HOXD3: variants seen among roughly 807,000 people sequenced by gnomAD.
HOXD3 encodes homeobox protein Hox-D3.
A neutral mutation model predicts 32.8 loss-of-function variants in HOXD3; 13 were observed. That is an observed-to-expected ratio of 0.40 (90% confidence interval 0.26 to 0.63). HOXD3 has a LOEUF of 0.63. Ranked by LOEUF, HOXD3 falls within the 20% of genes least tolerant of loss-of-function variation. The probability of loss-of-function intolerance (pLI) is 0.44; values close to 1 mark genes in which losing one functional copy is unlikely to be tolerated. For synonymous variants in HOXD3, 241 were observed against 246.8 expected (o/e 0.98, Z 0.22); for missense variants, 504 against 577.1 (o/e 0.87, Z 1.30).
chr2:176,153,278 G>T, upstream of HOXD3: 1 of 327,570 alleles, frequency 3.1e-6, no homozygotes, highest in Non-Finnish European at 5.7e-6. Context: ...TTATCCCACT[G>T]TGAATTTGGA....
At chr2:176,154,107 A>G (rs1690598421), upstream of HOXD3, among the ~76,000 whole-genome samples, 1 of 152,228 alleles carries the variant, frequency 6.6e-6, no homozygotes, top group African/African-American at 2.4e-5. Flanking sequence ...CACAAAAGTT[A>G]GCCTTAGAGT....
chr2:176,153,075 C>G, upstream of HOXD3: 2 of 597,672 alleles, frequency 3.3e-6, no homozygotes, highest in African/African-American at 2.0e-5. Flanking sequence ...AGGCCGCCCT[C>G]GGACTAGGTT....
At chr2:176,161,511 C>G (rs995437794) in intron 1 of HOXD3, among the ~76,000 whole-genome samples, 2 of 152,132 alleles carry the variant, frequency 1.3e-5, no homozygotes, top group Non-Finnish European at 2.9e-5. Context: ...CATATTAATT[C>G]TGTGTCTTGA....
At chr2:176,171,494 TC>T in intron 3 of HOXD3, 22 bp from the exon 4 acceptor site, 1 of 1,556,518 alleles carries the variant, frequency 6.4e-7, no homozygotes, top group Non-Finnish European at 8.7e-7. Context: ...CTCAGCGCCC[TC>T]CCTCTCTCCC....
At chr2:176,164,575 G>C (rs1172820455) in intron 2 of HOXD3, 1 of 152,202 alleles carries the variant, frequency 6.6e-6, no homozygotes, top group Non-Finnish European at 1.5e-5. Context: ...ACAGGAAAGG[G>C]AGAATCGTTG....
upstream of HOXD3, chr2:176,152,687 A>G (rs199697693): frequency 2.5e-6 from 4 of 1,614,188 alleles, no homozygotes; most frequent in East Asian, 8.9e-5. The surrounding 1 kb of genome is among the most constrained non-coding windows in gnomAD (Gnocchi z 5.2). Context: ...AACTGGAAAA[A>G]GAATTTCATT....
chr2:176,170,946 T>C (rs1299180378), intron 3 of HOXD3, among the ~76,000 whole-genome samples: 2 of 152,186 alleles, frequency 1.3e-5, no homozygotes, highest in African/African-American at 4.8e-5. Flanking sequence ...TTTTTATTTT[T>C]TGGTTTGTCA....
In HOXD3 at chr2:176,172,704, A is replaced by C; in HGVS notation, c.*430A>C. On this transcript the variant is annotated 3_prime_UTR_variant, in exon 4 of 4. Transcript: ENST00000683222. ...TGTGCCGTAAGGATTGCATCGGACTAAACTATCTGTATTTATTATTTGAAG... is the reference window on the plus strand; with the variant it reads ...TGTGCCGTAAGGATTGCATCGGACTCAACTATCTGTATTTATTATTTGAAG... 5.6e-6 allele frequency: 1 copy of C among 177,184 alleles called. No individual in the cohort carries two copies. Among genetic ancestry groups the C allele is most frequent in the Non-Finnish European group, 1.2e-5 (1 of 84,762 alleles). 11.0% of individuals were successfully genotyped at this position (177,184 alleles called of 1,614,324 possible). A position where few individuals can be genotyped will look rare whatever the true frequency, so the allele number is the denominator to read the frequency against.
rs1312849828 is a variant in HOXD3 at position 176,172,234 on chromosome 2, A to G, written c.1259A>G (p.Gln420Arg). ...YTDLSAHHSS[Q>R]GRLPEAPKLT... ...GATCTCTCGGCCCACCACTCGTCTCAGGGACGACTGCCGGAGGCTCCCAAA... is the reference window on the plus strand; with the variant it reads ...GATCTCTCGGCCCACCACTCGTCTCGGGGACGACTGCCGGAGGCTCCCAAA... The change falls in exon 4 of 4, where the codon CAG becomes CGG. Residue 420 changes from glutamine (Q) to arginine (R), a missense_variant. Physicochemically the swap from Gln to Arg is conservative, Grantham distance 43. Around this residue, in one of 3 missense-constraint regions of HOXD3, gnomAD observed 226 missense variants for 246.9 expected, o/e 0.92. Transcript: ENST00000683222. The G allele has an allele frequency of 2.5e-6, 4 of 1,608,616 alleles. No individual in the cohort carries two copies. Among genetic ancestry groups the G allele is most frequent in the Non-Finnish European group, 2.5e-6 (3 of 1,179,422 alleles).
At chr2:176,153,462 A>T (rs1296659624), upstream of HOXD3, among the ~76,000 whole-genome samples, 1 of 152,198 alleles carries the variant, frequency 6.6e-6, no homozygotes, top group Non-Finnish European at 1.5e-5. Context: ...TAAAAAATAT[A>T]TATTTTGCTC....
chr2:176,172,275 C>G lies in HOXD3; in HGVS notation c.*1C>G. ...GGCTCCCAAACTGACGCATCTGTAG[C>G]GGCCGCCGCCAGCCCGAACTCGCGG... On this transcript the variant is annotated 3_prime_UTR_variant, in exon 4 of 4. Transcript: ENST00000683222. The G allele has an allele frequency of 6.3e-7, 1 of 1,586,832 alleles. No homozygotes were observed. The highest frequency in any genetic ancestry group is 1.1e-5 in the South Asian group (1 of 89,836).
rs200129595 is a variant in HOXD3, at chr2:176,169,128, A to T, written c.14A>T (p.Gln5Leu). MLFE[Q>L]GQQALELPEC... ...CAGTGGTAGTCAATGTTATTTGAGCAGGGTCAGCAGGCCCTGGAGCTTCCT... is the reference window on the plus strand; with the variant it reads ...CAGTGGTAGTCAATGTTATTTGAGCTGGGTCAGCAGGCCCTGGAGCTTCCT... Residue 5 changes from glutamine to leucine, a missense_variant, in exon 3 of 4, where the codon CAG (glutamine) becomes CTG (leucine). By Grantham distance (113) the Gln-to-Leu change is moderately radical (BLOSUM62 -2). Around this residue, in one of 3 missense-constraint regions of HOXD3, gnomAD observed 181 missense variants for 172.2 expected, o/e 1.05. Transcript: ENST00000683222. 23 of 1,609,778 alleles carry T rather than the reference A, an allele frequency of 1.4e-5. No homozygotes were observed. Among genetic ancestry groups the T allele is most frequent in the Non-Finnish European group, 2.0e-5 (23 of 1,177,564 alleles).
chr2:176,169,412 G>T lies in HOXD3; in HGVS notation c.298G>T (p.Gly100Cys). 1.2e-6 allele frequency: 2 copies of T among 1,613,702 alleles called. No individual in the cohort carries two copies. Among genetic ancestry groups the T allele is most frequent in the Non-Finnish European group, 8.5e-7 (1 of 1,179,834 alleles). ...GCGGCCGGGCACTGGGAACAGCCAG[G>T]GTGGGGGTGGTGGCAGCCAGCCTCC... Reference protein sequence around the residue: ...CMRPGTGNSQGGGGGSQPPGL... With the variant: ...CMRPGTGNSQCGGGGSQPPGL... The change falls in exon 3 of 4, where the codon GGT becomes TGT. Residue 100 changes from glycine to cysteine, a missense_variant. This residue lies in a region of HOXD3 where 181 missense variants were observed against 172.2 expected (regional missense o/e 1.05). Transcript: ENST00000683222.
chr2:176,154,898 C>T (rs545235947), upstream of HOXD3, among the ~76,000 whole-genome samples: 11 of 152,316 alleles, frequency 7.2e-5, no homozygotes, highest in Middle Eastern at 3.4e-3. Context: ...ATAGTCAAGA[C>T]GTCTTTTTTC....
Position 176,171,902 on chromosome 2 carries a change from G to A in HOXD3, c.927G>A (p.Met309Ile), listed in dbSNP as rs752565256. ...CTTTCGCCAAATCACAGCCCAATAT[G>A]TACGGCCTGGCCGCCTACACGGCGC... is the stretch of plus-strand genomic sequence containing the variant. ...PPAFAKSQPN[M>I]YGLAAYTAPL... is the part of the protein sequence containing the mutation. Residue 309 changes from methionine (M) to isoleucine (I), a missense_variant, in exon 4 of 4, where the codon ATG (methionine) becomes ATA (isoleucine). Transcript: ENST00000683222. 2 of 1,608,850 alleles carry A rather than the reference G, an allele frequency of 1.2e-6. No homozygotes were observed. The highest frequency in any genetic ancestry group is 3.4e-5 in the Admixed American group (2 of 59,604).
upstream of HOXD3, chr2:176,153,072 C>A: frequency 6.8e-6 from 6 of 877,998 alleles, no homozygotes; most frequent in Non-Finnish European, 9.1e-6. Flanking sequence ...AGCAGGCCGC[C>A]CTCGGACTAG....
In HOXD3 at chr2:176,172,588, C is replaced by A. The variant is rs75690576; in HGVS notation, c.*314C>A. 7.8e-3 allele frequency: 2,616 copies of A among 334,084 alleles called. 60 individuals carry two copies. The highest frequency in any genetic ancestry group is 0.052 in the African/African-American group (2,450 of 47,324). 20.7% of individuals were successfully genotyped at this position (334,084 alleles called of 1,614,324 possible). A position where few individuals can be genotyped will look rare whatever the true frequency, so the allele number is the denominator to read the frequency against. On this transcript the variant is annotated 3_prime_UTR_variant, in exon 4 of 4. Transcript: ENST00000683222. ...AGGTAAGTCTGAGACCCATCAGCGG[C>A]GCGCCCTGCAGAGGGACCAGAGCTT...
upstream of HOXD3, among the ~76,000 whole-genome samples, chr2:176,155,388 T>G (rs1690622818): frequency 6.6e-6 from 1 of 152,176 alleles, no homozygotes; most frequent in Admixed American, 6.5e-5. Flanking sequence ...AAGAAACATG[T>G]TTTCATGAGG....
chr2:176,158,496 C>T (rs1047808207), intron 1 of HOXD3, among the ~76,000 whole-genome samples: 1 of 152,198 alleles, frequency 6.6e-6, no homozygotes. Flanking sequence ...CCTCTTGTTG[C>T]TGTGAGATAC....
Sources: gnomAD v4.1 joint callset for allele counts (sites outside exome capture counted in the v4.1 genomes callset) on GRCh38, gnomAD v4.1.1 for gene constraint, gnomAD v4.1.1 regional missense constraint, Gnocchi (gnomAD v3.1) non-coding constraint, MANE v1.5 for transcripts, NCBI Gene and HGNC (gene_info 2026-07-23, HGNC 2026-07-21) for gene names.